AMOT: variants seen among roughly 807,000 people sequenced by gnomAD.
The protein encoded by AMOT is angiomotin.
Under a neutral mutation model 67.0 loss-of-function variants are expected in AMOT, and 11 were observed. The ratio of observed to expected loss-of-function variants is 0.16; its 90% CI spans 0.10 to 0.27. The LOEUF is 0.27. Among genes scored for constraint, AMOT ranks in the 10% least tolerant of loss-of-function variants. The pLI, the probability that AMOT is intolerant of heterozygous loss-of-function variation, is 1.00. For synonymous variants in AMOT, 326 were observed against 321.4 expected, an observed-to-expected ratio of 1.01 and a Z score of -0.15; for missense variants, 753 against 852.0, an observed-to-expected ratio of 0.88 and a Z score of 1.45.
chrX:112,816,732 A>AT (rs1482381105), intron 4 of AMOT, among the ~76,000 whole-genome samples: 5 of 111,394 alleles, frequency 4.5e-5, no homozygotes, highest in Admixed American at 1.9e-4. Context: ...CCCAATTCCC[A>AT]TTTTCTGGCT....
chrX:112,807,611 A>T (rs919360982), intron 7 of AMOT, among the ~76,000 whole-genome samples: 1 of 111,720 alleles, frequency 9.0e-6, no homozygotes, highest in Non-Finnish European at 1.9e-5. Context: ...ACATGTTAAG[A>T]AAGAATCAAC....
intron 4 of AMOT, among the ~76,000 whole-genome samples, chrX:112,820,194 A>G (rs1417771169): frequency 9.0e-6 from 1 of 111,687 alleles, no homozygotes; most frequent in Non-Finnish European, 1.9e-5. Flanking sequence ...ATTATCAAGC[A>G]CTCTGCTCCT....
chrX:112,799,753 C>A (rs889489794), intron 8 of AMOT, among the ~76,000 whole-genome samples: 1 of 111,680 alleles, frequency 9.0e-6, no homozygotes, highest in Admixed American at 9.5e-5. Flanking sequence ...CTTGCTACCT[C>A]AGGAATAGGG....
intron 5 of AMOT, among the ~76,000 whole-genome samples, chrX:112,812,124 G>A (rs1215823186): frequency 1.8e-5 from 2 of 112,091 alleles, no homozygotes; most frequent in East Asian, 2.8e-4. Flanking sequence ...CAAGGAAGAA[G>A]TTATTCCTGG....
chrX:112,780,792 C>G, intron 12 of AMOT, 94 bp downstream of exon 12: 2 of 953,802 alleles, frequency 2.1e-6, no homozygotes, highest in Non-Finnish European at 2.9e-6. Context: ...CTCTCTAGAA[C>G]CTGGACCATC....
chrX:112,781,892 T>TTTG (rs975792712), intron 11 of AMOT, among the ~76,000 whole-genome samples: 3 of 111,520 alleles, frequency 2.7e-5, no homozygotes, highest in Middle Eastern at 4.6e-3. Context: ...AGATGTTCTT[T>TTTG]TTGTTGTTGT....
chrX:112,835,449 CA>C (rs1207004012), intron 1 of AMOT, among the ~76,000 whole-genome samples: 36 of 100,046 alleles, frequency 3.6e-4, no homozygotes, highest in Non-Finnish European at 3.1e-4. Flanking sequence ...TCATATATTA[CA>C]AAAAAAAAAA....
In AMOT at chrX:112,789,846, G is replaced by A. The variant is rs181077622; in HGVS notation, c.2117+746C>T. Among the ~76,000 whole-genome samples the A allele has an allele frequency of 3.8e-4, 41 of 109,169 alleles. No homozygotes were observed. The East Asian group carries it at 9.0e-3, about 24-fold the overall frequency. The allele number at this position is 109,169 out of a possible 115,157, so 94.8% of individuals were successfully genotyped here. The stretch of plus-strand genomic sequence containing the variant: ...ACCTGACTTTAATTCAGTTTTTGTT[G>A]TTGTTTCTTTTTCTCTTTCTCTTTC... On this transcript the variant is annotated intron_variant, in intron 10 of 13. Coordinates refer to ENST00000371959, the MANE Select transcript of AMOT (RefSeq NM_001113490.2).
At chrX:112,783,177 C>T (rs1263150811) in intron 10 of AMOT, among the ~76,000 whole-genome samples, 1 of 109,054 alleles carries the variant, frequency 9.2e-6, no homozygotes, top group Admixed American at 9.8e-5. Context: ...CGCCTGTAAT[C>T]CCCGCTATCT....
At chrX:112,816,212 G>A (rs1389911991) in intron 4 of AMOT, among the ~76,000 whole-genome samples, 1 of 111,447 alleles carries the variant, frequency 9.0e-6, no homozygotes, top group Non-Finnish European at 1.9e-5. Flanking sequence ...CATTTCAAAC[G>A]ATTCTTCTAC....
rs1934759145 is a variant in AMOT, at chrX:112,823,199, G to A, written c.-62-11C>T. 1 of 1,009,696 alleles carries A rather than the reference G, an allele frequency of 9.9e-7. No homozygotes were observed. Among genetic ancestry groups the A allele is most frequent in the Non-Finnish European group, 1.3e-6 (1 of 756,566 alleles). The allele number at this position is 1,009,696 out of a possible 1,213,427, so 83.2% of individuals were successfully genotyped here. A position where few individuals can be genotyped will look rare whatever the true frequency, so the allele number is the denominator to read the frequency against. ...TGGGCTGCCCTTGACCTGGGAAGGG[G>A]AAACAGGAAGCTTAACACCCAGTTG... On this transcript the variant is annotated splice_polypyrimidine_tract_variant and intron_variant, in intron 3 of 13. Transcript: ENST00000371959.
chrX:112,840,134 G>T (rs1935254655), intron 1 of AMOT, among the ~76,000 whole-genome samples: 2 of 110,607 alleles, frequency 1.8e-5, no homozygotes, highest in Non-Finnish European at 3.8e-5. Context: ...GCTTCCCTCG[G>T]GTCTTTAGCT....
intron 5 of AMOT, among the ~76,000 whole-genome samples, chrX:112,815,082 A>G (rs1272859186): frequency 8.9e-6 from 1 of 112,277 alleles, no homozygotes; most frequent in Non-Finnish European, 1.9e-5. Flanking sequence ...TTGGAATTCT[A>G]AAAGAATTAA....
intron 2 of AMOT, among the ~76,000 whole-genome samples, chrX:112,831,316 C>G (rs896335959): frequency 9.1e-6 from 1 of 110,255 alleles, no homozygotes; most frequent in Admixed American, 9.8e-5. Context: ...TCCATCTATT[C>G]CTGACCTCAA....
At chrX:112,804,926 T>A in intron 8 of AMOT, 21 bp downstream of exon 8, 16 of 584,478 alleles carry the variant, frequency 2.7e-5, no homozygotes, top group Non-Finnish European at 4.2e-5. Flanking sequence ...CAGGCTCATA[T>A]GCTACCTGAG....
In AMOT at chrX:112,778,402, T is replaced by G. The variant is rs745557438; in HGVS notation, c.*165A>C. On this transcript the variant is annotated 3_prime_UTR_variant, in exon 14 of 14. Coordinates refer to ENST00000371959, the MANE Select transcript of AMOT (RefSeq NM_001113490.2). ...CTAAGCATACCAAAATAGACTGGTG[T>G]TCACATGGTATTACTCAAGTAGTAC... The G allele has an allele frequency of 8.1e-5, 35 of 431,383 alleles. No homozygotes were observed. Among genetic ancestry groups the G allele is most frequent in the Non-Finnish European group, 1.4e-4 (34 of 247,364 alleles). The allele number at this position is 431,383 out of a possible 1,213,427, so 35.6% of individuals were successfully genotyped here.
chrX:112,775,859 C>G lies in AMOT; in HGVS notation c.*2708G>C, dbSNP rs886565340. 2.7e-5 allele frequency: 3 copies of G among 111,806 alleles called. No homozygotes were observed. The highest frequency in any genetic ancestry group is 5.6e-5 in the Non-Finnish European group (3 of 53,122). 9.2% of individuals were successfully genotyped at this position (111,806 alleles called of 1,213,427 possible). A position where few individuals can be genotyped will look rare whatever the true frequency, so the allele number is the denominator to read the frequency against. ...TTTCCTGAGGTGCCGGTAAAATGCA[C>G]AGATAGGTAGGAGTCCAGAAAGATC... On this transcript the variant is annotated 3_prime_UTR_variant, in exon 14 of 14. Coordinates refer to ENST00000371959, the MANE Select transcript of AMOT (RefSeq NM_001113490.2).
chrX:112,834,819 T>C (rs937133323), intron 1 of AMOT, among the ~76,000 whole-genome samples: 2 of 113,030 alleles, frequency 1.8e-5, no homozygotes, highest in East Asian at 2.8e-4. Flanking sequence ...CTGATCTCTA[T>C]AGCCCTTTTC....
intron 8 of AMOT, among the ~76,000 whole-genome samples, chrX:112,795,176 C>A (rs1355669171): frequency 3.6e-5 from 4 of 110,836 alleles, no homozygotes; most frequent in Non-Finnish European, 7.6e-5. Flanking sequence ...TAACTAAAGA[C>A]CCCTAGGCAA....
Sources: gnomAD v4.1 joint callset for allele counts (sites outside exome capture counted in the v4.1 genomes callset) on GRCh38, gnomAD v4.1.1 for gene constraint, MANE v1.5 for transcripts, NCBI Gene and HGNC (gene_info 2026-07-23, HGNC 2026-07-21) for gene names.